HS1BP3: variants seen among roughly 807,000 people sequenced by gnomAD.
HS1BP3 encodes HCLS1-binding protein 3.
A neutral mutation model predicts 33.5 loss-of-function variants in HS1BP3; 32 were observed. That is an observed-to-expected ratio of 0.95 (90% CI 0.72 to 1.28). HS1BP3 has a LOEUF of 1.28. Among genes scored for constraint, HS1BP3 ranks in the 50% most tolerant of loss-of-function variants. The pLI is 0.00. For missense variants in HS1BP3, 486 were observed against 502.3 expected (o/e 0.97, Z 0.31); for synonymous variants, 187 against 209.2 (o/e 0.89, Z 0.92).
At chr2:20,606,403 G>A in intron 2 of HS1BP3, 1 of 474,752 alleles carries the variant, frequency 2.1e-6, no homozygotes, top group Non-Finnish European at 4.2e-6. Flanking sequence ...AGGCTGCCCT[G>A]GCCAGGGAGA....
At chr2:20,564,356 C>T (rs1388080586) in intron 5 of HS1BP3, among the ~76,000 whole-genome samples, 1 of 152,250 alleles carries the variant, frequency 6.6e-6, no homozygotes, top group Non-Finnish European at 1.5e-5. Flanking sequence ...CCAGCTGGCC[C>T]ACCCTCCAGC....
chr2:20,602,593 G>T (rs2149283417), intron 2 of HS1BP3, among the ~76,000 whole-genome samples: 2 of 150,372 alleles, frequency 1.3e-5, no homozygotes, highest in Middle Eastern at 3.5e-3. Flanking sequence ...CCTTATGATT[G>T]CTCATTTTGT....
chr2:20,600,904 T>C (rs1273380919), intron 2 of HS1BP3, among the ~76,000 whole-genome samples: 2 of 152,128 alleles, frequency 1.3e-5, no homozygotes, highest in Non-Finnish European at 2.9e-5. Flanking sequence ...TAGGGTGGAG[T>C]GGTCATTCTT....
At chr2:20,571,673 C>T (rs1018701155) in intron 5 of HS1BP3, among the ~76,000 whole-genome samples, 1 of 152,224 alleles carries the variant, frequency 6.6e-6, no homozygotes, top group Non-Finnish European at 1.5e-5. Context: ...TGCTGGGGCC[C>T]ACATCCTGGC....
chr2:20,593,405 C>T (rs1040192319), intron 3 of HS1BP3, among the ~76,000 whole-genome samples: 5 of 152,150 alleles, frequency 3.3e-5, no homozygotes, highest in South Asian at 2.1e-4. Context: ...TGTGTCCCAG[C>T]GGCTAGAACA....
In HS1BP3 at chr2:20,609,409, C is replaced by T. The variant is rs191342806; in HGVS notation, c.179-11144G>A. ...CCAGGGGCCCGGGGGGACCTCTGAG[C>T]TCTCCTCCAGGAAAAGGCCTGTTCT... On this transcript the variant is annotated intron_variant, in intron 2 of 3. Coordinates refer to the HS1BP3 transcript ENST00000415264. Among the ~76,000 whole-genome samples the T allele has an allele frequency of 4.6e-5, 7 of 152,012 alleles. No homozygotes were observed. The East Asian group carries it at 1.4e-3, about 30-fold the overall frequency.
intron 4 of HS1BP3, chr2:20,638,209 G>A (rs781284538): frequency 1.1e-4 from 67 of 595,292 alleles, no homozygotes; most frequent in Non-Finnish European, 1.7e-4. Context: ...CCTGTGACCC[G>A]AGAAGGGAGG....
chr2:20,645,108 C>T (rs921073013), intron 2 of HS1BP3, among the ~76,000 whole-genome samples: 5 of 152,212 alleles, frequency 3.3e-5, no homozygotes, highest in African/African-American at 9.6e-5. Flanking sequence ...CCCAGGTGCT[C>T]CTGTCCCCAT....
chr2:20,560,540 T>C (rs1692965794), intron 5 of HS1BP3: 1 of 152,214 alleles, frequency 6.6e-6, no homozygotes, highest in African/African-American at 2.4e-5. Flanking sequence ...AGAACAGATG[T>C]GTGTTTTGGT....
intron 4 of HS1BP3, among the ~76,000 whole-genome samples, chr2:20,630,558 T>C (rs976742417): frequency 1.3e-5 from 2 of 152,376 alleles, no homozygotes; most frequent in Middle Eastern, 3.4e-3. Flanking sequence ...CAAGAGCCAC[T>C]GTGCCTGGCT....
At chr2:20,601,901 T>C (rs1329638251) in intron 2 of HS1BP3, among the ~76,000 whole-genome samples, 1 of 148,394 alleles carries the variant, frequency 6.7e-6, no homozygotes, top group Non-Finnish European at 1.5e-5. Flanking sequence ...ATCTTGTAAG[T>C]TATGTTGAAG....
intron 1 of HS1BP3, among the ~76,000 whole-genome samples, chr2:20,649,943 A>G (rs1040712182): frequency 6.6e-6 from 1 of 152,222 alleles, no homozygotes; most frequent in Non-Finnish European, 1.5e-5. Context: ...GCTGAGGGGC[A>G]TATACTACTG....
chr2:20,646,523 CTA>C (rs1695524416), intron 1 of HS1BP3, among the ~76,000 whole-genome samples: 1 of 152,274 alleles, frequency 6.6e-6, no homozygotes. Flanking sequence ...CTGGTGAGGC[CTA>C]CAGTGATGCG....
chr2:20,640,503 T>G (rs961731932), intron 3 of HS1BP3: 6 of 367,516 alleles, frequency 1.6e-5, no homozygotes. Context: ...CCCATGACCC[T>G]CTCTGTGGGG....
chr2:20,637,552 A>C (rs1244775753), intron 4 of HS1BP3: 2 of 152,240 alleles, frequency 1.3e-5, no homozygotes, highest in East Asian at 3.9e-4. Flanking sequence ...TCCCAGTGCA[A>C]ATCCTCACCC....
chr2:20,605,887 T>C (rs2149284432), intron 2 of HS1BP3, among the ~76,000 whole-genome samples: 1 of 152,382 alleles, frequency 6.6e-6, no homozygotes, highest in South Asian at 2.1e-4. Context: ...TTTTAGCTAT[T>C]GTGAATAGTG....
At chr2:20,634,996 G>A (rs1409225860) in intron 4 of HS1BP3, 1 of 152,008 alleles carries the variant, frequency 6.6e-6, no homozygotes, top group East Asian at 1.9e-4. Flanking sequence ...GGGCCTGGAG[G>A]GGGTCCCTGT....
In HS1BP3 at chr2:20,624,836, C is replaced by T. The variant is rs758703154; in HGVS notation, c.680G>A (p.Arg227Gln). ...CACCTCCTCGTCAAAGATGGTGAGC[C>T]GGGGCGAGGGCTTGGCTTTCACGGC... ...KVAVKAKPSP[R>Q]LTIFDEEVDP... is the part of the protein sequence containing the mutation. The change falls in exon 5 of 7, where the codon CGG becomes CAG. Residue 227 changes from arginine (R) to glutamine (Q), a missense_variant. By Grantham distance (43) the Arg-to-Gln change is conservative. Transcript: ENST00000304031. 1.9e-5 allele frequency: 31 copies of T among 1,613,622 alleles called. No individual in the cohort carries two copies. The highest frequency in any genetic ancestry group is 1.6e-4 in the Middle Eastern group (1 of 6,078).
chr2:20,566,684 G>T (rs1159888237), intron 5 of HS1BP3, among the ~76,000 whole-genome samples: 1 of 150,596 alleles, frequency 6.6e-6, no homozygotes, highest in East Asian at 2.0e-4. Context: ...TCAGCTCACT[G>T]CAAACCCTGC....
Sources: gnomAD v4.1 joint callset for allele counts (sites outside exome capture counted in the v4.1 genomes callset) on GRCh38, gnomAD v4.1.1 for gene constraint, MANE v1.5 for transcripts, NCBI Gene and HGNC (gene_info 2026-07-23, HGNC 2026-07-21) for gene names.